Variants in GRAMD1B observed in about 807,000 individuals in gnomAD.
The protein encoded by GRAMD1B is GRAM domain containing 1B, also known as protein Aster-B.
GRAMD1B carries 37 observed loss-of-function variants against 99.7 expected under a neutral mutation model. The observed-to-expected ratio is 0.37, with a 90% CI of 0.29 to 0.49. The LOEUF is 0.49. Ranked by LOEUF, GRAMD1B falls within the 20% of genes least tolerant of loss-of-function variation. The probability of loss-of-function intolerance (pLI) is 0.98; values close to 1 mark genes in which losing one functional copy is unlikely to be tolerated. For missense variants in GRAMD1B, 888 were observed against 1,009.2 expected (o/e 0.88, Z 1.63); for synonymous variants, 427 against 387.6 (o/e 1.10, Z -1.19).
intron 2 of GRAMD1B, among the ~76,000 whole-genome samples, chr11:123,515,145 G>A (rs780373532): frequency 1.3e-5 from 2 of 152,314 alleles, no homozygotes; most frequent in Middle Eastern, 3.4e-3. Context: ...AGGGTGAATC[G>A]TTGGTTTCTG....
chr11:123,403,448 GATAATAATA>G (rs371716819), intron 1 of GRAMD1B, among the ~76,000 whole-genome samples: 2,781 of 139,132 alleles, frequency 0.02, 69 homozygotes, highest in African/African-American at 0.054. Context: ...TGATGATGAT[GATAATAATA>G]ATAATAATAA....
rs914868976 is a variant in GRAMD1B at position 123,618,765 on chromosome 11, C to T, written c.2391C>T (p.Thr797=). The T allele has an allele frequency of 7.6e-6, 12 of 1,577,582 alleles. No homozygotes were observed. The highest frequency in any genetic ancestry group is 6.0e-6 in the Non-Finnish European group (7 of 1,159,170). The change falls in exon 18 of 20, where the codon ACC becomes ACT. Residue 797 remains threonine, a synonymous_variant. Coordinates refer to ENST00000635736, the MANE Select transcript of GRAMD1B (RefSeq NM_001387025.1). Reference sequence around the variant, plus strand: ...GGATGTTGGAATACACCACGCAGACCCTCACTGCCTGGCAGGGTCTAAGGC... The same window carrying T: ...GGATGTTGGAATACACCACGCAGACTCTCACTGCCTGGCAGGGTCTAAGGC... The part of the protein sequence containing the change: ...KLWMLEYTTQ[T]LTAWQGLRLQ...
At chr11:123,432,670 TGAAGGAA>T (rs1948954887) in intron 1 of GRAMD1B, among the ~76,000 whole-genome samples, 1 of 152,036 alleles carries the variant, frequency 6.6e-6, no homozygotes, top group Non-Finnish European at 1.5e-5. Flanking sequence ...GAAGACTTCT[TGAAGGAA>T]GAGGCTGACA....
At chr11:123,605,194 A>T (rs1246660078) in intron 9 of GRAMD1B, 128 bp from the exon 10 acceptor site, 1 of 623,366 alleles carries the variant, frequency 1.6e-6, no homozygotes, top group South Asian at 3.2e-5. Flanking sequence ...TTAGAGGAAG[A>T]TCATACACAA....
chr11:123,460,882 A>G (rs1310435260), intron 1 of GRAMD1B, among the ~76,000 whole-genome samples: 1 of 152,168 alleles, frequency 6.6e-6, no homozygotes, highest in African/African-American at 2.4e-5. Flanking sequence ...TTAGGACCCA[A>G]GAATCCATCT....
intron 1 of GRAMD1B, among the ~76,000 whole-genome samples, chr11:123,405,630 G>A (rs73605979): frequency 0.028 from 4,220 of 152,146 alleles, 67 homozygotes; most frequent in Middle Eastern, 0.051. Flanking sequence ...TGGGAGATAC[G>A]GCCTGTACCA....
intron 2 of GRAMD1B, among the ~76,000 whole-genome samples, chr11:123,534,058 A>G (rs562809357): frequency 3.3e-5 from 5 of 152,338 alleles, no homozygotes; most frequent in African/African-American, 9.6e-5. Context: ...AGGGGCACCA[A>G]CGCCCATGCA....
At chr11:123,525,847 C>T (rs981901192) in intron 2 of GRAMD1B, 3 of 474,282 alleles carry the variant, frequency 6.3e-6, no homozygotes, top group East Asian at 7.7e-5. Flanking sequence ...TACCCATCCT[C>T]ATCAGAAACT....
chr11:123,625,942 G>GAC lies in GRAMD1B; in HGVS notation c.*3348_*3349insCA, dbSNP rs1955480351. On this transcript the variant is annotated 3_prime_UTR_variant, in exon 20 of 20. Transcript: ENST00000635736. Reference sequence around the variant, plus strand: ...GGCTGGGGAGGCCCAGTGGAAGAGAGAGAGAGAGAGAGAGAGAGAGAGAGA... The same window carrying GAC: ...GGCTGGGGAGGCCCAGTGGAAGAGAGACAGAGAGAGAGAGAGAGAGAGAGAGA... 1.2e-5 allele frequency: 1 copy of GAC among 86,084 alleles called. No homozygotes were observed. The highest frequency in any genetic ancestry group is 2.6e-5 in the Non-Finnish European group (1 of 38,416). 5.3% of individuals were successfully genotyped at this position (86,084 alleles called of 1,614,324 possible).
intron 2 of GRAMD1B, among the ~76,000 whole-genome samples, chr11:123,529,614 G>A (rs950358184): frequency 2.0e-5 from 3 of 152,190 alleles, no homozygotes; most frequent in Admixed American, 6.5e-5. Context: ...ATGGGACTGC[G>A]GCCCAAGACT....
intron 2 of GRAMD1B, among the ~76,000 whole-genome samples, chr11:123,576,633 G>A (rs1246974631): frequency 5.3e-5 from 8 of 152,212 alleles, no homozygotes; most frequent in Admixed American, 2.6e-4. Context: ...AAATGTTGGG[G>A]TAAGGGAATA....
intron 1 of GRAMD1B, among the ~76,000 whole-genome samples, chr11:123,411,250 C>T (rs1173416184): frequency 1.3e-5 from 2 of 152,020 alleles, no homozygotes; most frequent in Non-Finnish European, 2.9e-5. Context: ...GTGATCCGCC[C>T]CCCTCAGCCT....
In GRAMD1B at chr11:123,619,187, G is replaced by A; in HGVS notation, c.2507G>A (p.Arg836Lys). ...CACGATACTGAGCTCCAAAAATGGA[G>A]GGAAATCATCAAATCCTCAGTGATG... The part of the protein sequence containing the change: ...KYHDTELQKW[R>K]EIIKSSVMLL... The change falls in exon 19 of 20, where the codon AGG becomes AAG. Residue 836 changes from arginine to lysine, a missense_variant. Physicochemically the swap from Arg to Lys is conservative, Grantham distance 26. Around this residue, in one of 5 missense-constraint regions of GRAMD1B, gnomAD observed 232 missense variants for 261.7 expected, o/e 0.89. Coordinates refer to ENST00000635736, the MANE Select transcript of GRAMD1B (RefSeq NM_001387025.1). 6.4e-7 allele frequency: 1 copy of A among 1,566,534 alleles called. No individual in the cohort carries two copies. The highest frequency in any genetic ancestry group is 8.7e-7 in the Non-Finnish European group (1 of 1,155,490).
chr11:123,486,133 A>G (rs1173628016), intron 2 of GRAMD1B, among the ~76,000 whole-genome samples: 1 of 152,256 alleles, frequency 6.6e-6, no homozygotes, highest in Non-Finnish European at 1.5e-5. Context: ...ATGAGAAAAC[A>G]TTCGTAAAGA....
At chr11:123,420,423 A>T (rs1256612267) in intron 1 of GRAMD1B, among the ~76,000 whole-genome samples, 1 of 152,220 alleles carries the variant, frequency 6.6e-6, no homozygotes, top group Middle Eastern at 3.2e-3. Context: ...TGAGAAACTG[A>T]TTATGTGGCC....
At chr11:123,386,221 T>C (rs1947052467) in intron 1 of GRAMD1B, among the ~76,000 whole-genome samples, 1 of 152,172 alleles carries the variant, frequency 6.6e-6, no homozygotes, top group South Asian at 2.1e-4. Context: ...TTCTCTTCCA[T>C]ATCTGCCTTT....
intron 1 of GRAMD1B, among the ~76,000 whole-genome samples, chr11:123,464,728 C>T (rs1220667348): frequency 1.3e-5 from 2 of 152,000 alleles, no homozygotes; most frequent in Non-Finnish European, 2.9e-5. Context: ...TGGACTAGAG[C>T]AAGGATAATA....
intron 4 of GRAMD1B, 84 bp from the exon 5 acceptor site, chr11:123,593,998 A>G: frequency 1.1e-6 from 1 of 933,052 alleles, no homozygotes; most frequent in African/African-American, 1.6e-5. Context: ...TTAAACACAC[A>G]AGCAAGTGCT....
upstream of GRAMD1B, among the ~76,000 whole-genome samples, chr11:123,427,512 G>A (rs551325679): frequency 1.3e-5 from 2 of 152,274 alleles, no homozygotes; most frequent in Non-Finnish European, 2.9e-5. Context: ...TTTTCTCAAG[G>A]AGCTTATAGT....
Sources: gnomAD v4.1 joint callset for allele counts (sites outside exome capture counted in the v4.1 genomes callset) on GRCh38, gnomAD v4.1.1 for gene constraint, gnomAD v4.1.1 regional missense constraint, MANE v1.5 for transcripts, NCBI Gene and HGNC (gene_info 2026-07-23, HGNC 2026-07-21) for gene names.